The following ZNF112 variants were observed in gnomAD, a reference collection of about 807,000 sequenced individuals.
The protein encoded by ZNF112 is zinc finger protein 112 (Y14).
ZNF112 carries 37 observed loss-of-function variants against 77.7 expected under a neutral mutation model. That is an observed-to-expected ratio of 0.48 (90% CI 0.37 to 0.63). ZNF112 has a LOEUF of 0.63. ZNF112 is among the 20% of genes least tolerant of loss of function. The probability of loss-of-function intolerance (pLI) is 0.00; values close to 1 mark genes in which losing one functional copy is unlikely to be tolerated. For missense variants in ZNF112, 950 were observed against 1,077.4 expected (o/e 0.88, Z 1.66); for synonymous variants, 333 against 363.6 (o/e 0.92, Z 0.96).
chr19:44,350,174 C>T (rs1970666670), intron 1 of ZNF112, among the ~76,000 whole-genome samples: 1 of 152,006 alleles, frequency 6.6e-6, no homozygotes, highest in Admixed American at 6.6e-5. Context: ...GTATTTAAAG[C>T]CTATGGTTAC....
At chr19:44,349,718 T>TTTACCAG (rs1285346675) in intron 1 of ZNF112, among the ~76,000 whole-genome samples, 1 of 152,068 alleles carries the variant, frequency 6.6e-6, no homozygotes, top group Non-Finnish European at 1.5e-5. Flanking sequence ...AGGAAAGTAA[T>TTTACCAG]TTACCAGTGA....
Position 44,327,895 on chromosome 19 carries a change from C to T in ZNF112, c.2262G>A (p.Gln754=). 1 of 1,614,100 alleles carries T rather than the reference C, an allele frequency of 6.2e-7. No homozygotes were observed. ...TCCGATGTGCTTCAAGGCGCGAACT[C>T]TGACTAAAGCCCTTCCCACACATCT... ...KCEMCGKGFS[Q]SSRLEAHRRV... The change falls in exon 4 of 4, where the codon CAG becomes CAA. Residue 754 remains glutamine (Q), a synonymous_variant. Transcript: ENST00000354340.
At chr19:44,367,039 C>T (rs184581645) in intron 1 of ZNF112, 27 of 455,294 alleles carry the variant, frequency 5.9e-5, no homozygotes, top group Admixed American at 4.5e-4. Flanking sequence ...ATCCTCAACC[C>T]GCCAAGACCA....
At chr19:44,365,353 G>A (rs1387119959) in intron 1 of ZNF112, among the ~76,000 whole-genome samples, 1 of 152,016 alleles carries the variant, frequency 6.6e-6, no homozygotes, top group Non-Finnish European at 1.5e-5. Context: ...TACTCAGGAG[G>A]CTGAGGTGAG....
chr19:44,328,384 T>C lies in ZNF112; in HGVS notation c.1773A>G (p.Gln591=). The C allele has an allele frequency of 6.2e-7, 1 of 1,613,880 alleles. No homozygotes were observed. The highest frequency in any genetic ancestry group is 8.5e-7 in the Non-Finnish European group (1 of 1,179,964). ...CTCCAGTGTGAACTCTCTGATGGCC[T>C]TGAAGGTATGAATTTCGACTGAACC... ...GKGFSRNSYL[Q]GHQRVHTGEK... is the part of the protein sequence containing the mutation. The change falls in exon 4 of 4, where the codon CAA becomes CAG. Residue 591 remains glutamine (Q), a synonymous_variant. Transcript: ENST00000354340.
chr19:44,342,218 T>A (rs1279609394), intron 1 of ZNF112, among the ~76,000 whole-genome samples: 1 of 152,178 alleles, frequency 6.6e-6, no homozygotes, highest in East Asian at 1.9e-4. Flanking sequence ...TAGCTATAGG[T>A]ACTGAGAAGA....
chr19:44,343,168 C>G (rs1970522331), intron 1 of ZNF112: 1 of 1,473,922 alleles, frequency 6.8e-7, no homozygotes, highest in Non-Finnish European at 9.3e-7. Flanking sequence ...CATTCTTTAC[C>G]CTTGGCAAAG....
In ZNF112 at chr19:44,329,894, G is replaced by A. The variant is rs896282158; in HGVS notation, c.263C>T (p.Thr88Ile). 3 of 1,613,760 alleles carry A rather than the reference G, an allele frequency of 1.9e-6. No homozygotes were observed. In the African/African-American group the frequency reaches 4.0e-5, roughly 22 times the overall value. Residue 88 changes from threonine to isoleucine, a missense_variant, in exon 4 of 4, where the codon ACA becomes ATA. Thr to Ile is a moderately conservative substitution (Grantham distance 89). This residue lies in a region of ZNF112 where 560 missense variants were observed against 557.3 expected (regional missense o/e 1.00). Transcript: ENST00000354340. ...CTCTTTGGGGGAAAAGTAGCTTACT[G>A]TTACTTCCTGAATACTCTCCATCTT... ...QQKMESIQEV[T>I]VSYFSPKELS...
intron 2 of ZNF112, among the ~76,000 whole-genome samples, chr19:44,338,072 CA>C (rs938991896): frequency 2.1e-5 from 3 of 142,006 alleles, no homozygotes; most frequent in Non-Finnish European, 1.5e-5. Context: ...AGAAAGTGCT[CA>C]AAAAAAAAAT....
chr19:44,345,640 A>G (rs1303292169), intron 1 of ZNF112, among the ~76,000 whole-genome samples: 1 of 152,204 alleles, frequency 6.6e-6, no homozygotes, highest in Non-Finnish European at 1.5e-5. Context: ...TTAAAGCCTG[A>G]TTATGTTCCT....
At chr19:44,330,396 C>T (rs1450271456) in intron 3 of ZNF112, among the ~76,000 whole-genome samples, 2 of 152,132 alleles carry the variant, frequency 1.3e-5, no homozygotes, top group Admixed American at 6.6e-5. Context: ...CTTTGCAGCA[C>T]GACCTGGACA....
chr19:44,359,948 T>A (rs1372428597), upstream of ZNF112, among the ~76,000 whole-genome samples: 1 of 152,112 alleles, frequency 6.6e-6, no homozygotes. Context: ...TGTGAGAGGC[T>A]TCATTAGAAT....
intron 2 of ZNF112, among the ~76,000 whole-genome samples, chr19:44,337,834 TACACATAC>T (rs1368423853): frequency 2.2e-4 from 4 of 18,438 alleles, no homozygotes; most frequent in African/African-American, 1.1e-3. Context: ...TGTATATACA[TACACATAC>T]ACACACACAC....
intron 1 of ZNF112, among the ~76,000 whole-genome samples, chr19:44,342,821 A>AAAAAAG (rs1226665107): frequency 4.5e-4 from 68 of 152,022 alleles, no homozygotes; most frequent in African/African-American, 1.6e-3. Flanking sequence ...TCTCAAAAAA[A>AAAAAAG]AAAAAGAAAA....
chr19:44,339,039 C>A (rs1328536329), intron 2 of ZNF112, among the ~76,000 whole-genome samples: 1 of 152,004 alleles, frequency 6.6e-6, no homozygotes. Flanking sequence ...CCAGCCTGGG[C>A]AACAGAGTGA....
intron 3 of ZNF112, among the ~76,000 whole-genome samples, chr19:44,330,682 G>C (rs1041136995): frequency 6.6e-6 from 1 of 152,190 alleles, no homozygotes; most frequent in African/African-American, 2.4e-5. Flanking sequence ...GTTGCAGTGA[G>C]CTAAGATCAT....
chr19:44,331,084 G>A (rs750359497), intron 3 of ZNF112, among the ~76,000 whole-genome samples: 2 of 152,156 alleles, frequency 1.3e-5, no homozygotes, highest in African/African-American at 2.4e-5. Flanking sequence ...TGCCAGCTGC[G>A]CTAAGAGGGC....
chr19:44,337,602 C>T (rs1274483124), intron 2 of ZNF112, among the ~76,000 whole-genome samples: 1 of 148,574 alleles, frequency 6.7e-6, no homozygotes, highest in Non-Finnish European at 1.5e-5. Flanking sequence ...TGTCAACTTC[C>T]CCTCCCTAAG....
At chr19:44,337,307 A>G (rs1970388003) in intron 2 of ZNF112, among the ~76,000 whole-genome samples, 1 of 121,364 alleles carries the variant, frequency 8.2e-6, no homozygotes, top group Non-Finnish European at 1.6e-5. Flanking sequence ...AAATATATAT[A>G]TATTTTGTAT....
Sources: gnomAD v4.1 joint callset for allele counts (sites outside exome capture counted in the v4.1 genomes callset) on GRCh38, gnomAD v4.1.1 for gene constraint, gnomAD v4.1.1 regional missense constraint, MANE v1.5 for transcripts, NCBI Gene and HGNC (gene_info 2026-07-23, HGNC 2026-07-21) for gene names.